Variants in PSMB9 observed in about 807,000 individuals in gnomAD.
The protein encoded by PSMB9 is proteasome subunit beta type-9.
PSMB9 carries 16 observed loss-of-function variants against 26.9 expected under a neutral mutation model. The ratio of observed to expected loss-of-function variants is 0.59; its 90% CI spans 0.40 to 0.90. The LOEUF (loss-of-function observed/expected upper bound fraction) is 0.90. Ranked by LOEUF, PSMB9 falls within the 40% of genes least tolerant of loss-of-function variation. The probability of loss-of-function intolerance (pLI) is 0.00; values close to 1 mark genes in which losing one functional copy is unlikely to be tolerated. For synonymous variants in PSMB9, 91 were observed against 112.0 expected (o/e 0.81, Z 1.18); for missense variants, 253 against 292.2 (o/e 0.87, Z 0.98).
At chr6:32,857,198 CAA>C (rs9282318) in intron 2 of PSMB9, 63 bp from the exon 3 acceptor site, 29,489 of 1,031,836 alleles carry the variant, frequency 0.029, 1 homozygote, top group East Asian at 0.047. Context: ...GAGACTGTCT[CAA>C]AAAAAAAAAA....
Position 32,858,619 on chromosome 6 carries a change from C to CT in PSMB9, c.532+115dup. 4.3e-6 allele frequency: 6 copies of CT among 1,399,800 alleles called. No individual in the cohort carries two copies. The highest frequency in any genetic ancestry group is 6.0e-6 in the Non-Finnish European group (6 of 1,007,490). The allele number at this position is 1,399,800 out of a possible 1,614,324, so 86.7% of individuals were successfully genotyped here. A position where few individuals can be genotyped will look rare whatever the true frequency, so the allele number is the denominator to read the frequency against. ...GTGGCCATTTAAGTTAATGCCGGGC[C>CT]TGGTACACTTTTAAGAGTGAAAAGG... On this transcript the variant is annotated intron_variant, in intron 5 of 5. Transcript: ENST00000374859. This position sits in a 1 kb window ranked among gnomAD's most constrained non-coding sequence, Gnocchi z 5.2.
At position 32,856,206 on chromosome 6, in the gene PSMB9, G is replaced by A. The variant is rs755682532; in HGVS notation, c.128+1G>A. 2.3e-5 allele frequency: 37 copies of A among 1,611,214 alleles called. No homozygotes were observed. Among genetic ancestry groups the A allele is most frequent in the Middle Eastern group, 1.6e-4 (1 of 6,062 alleles). ...GTTCTGATTCCCGAGTGTCTGCAGGGTGAGTAAAAGTGAAGATGTATGCAT... is the reference window on the plus strand; with the variant it reads ...GTTCTGATTCCCGAGTGTCTGCAGGATGAGTAAAAGTGAAGATGTATGCAT... On this transcript the variant is annotated splice_donor_variant, in intron 2 of 5. Transcript: ENST00000374859. LOFTEE classifies it high-confidence loss of function.
rs1442410980 is a variant in PSMB9, at chr6:32,858,878, C to T, written c.532+373C>T. The T allele has an allele frequency of 5.0e-5, 15 of 299,336 alleles. No individual in the cohort carries two copies. The Admixed American group carries it at 7.2e-4, about 14-fold the overall frequency. 18.5% of individuals were successfully genotyped at this position (299,336 alleles called of 1,614,324 possible). ...GGTGAAACCCTGTCTCCACAAAAAA[C>T]AATAAAAAAAAGTAAAAAAAAAAAT... On this transcript the variant is annotated intron_variant, in intron 5 of 5. Coordinates refer to ENST00000374859, the MANE Select transcript of PSMB9 (RefSeq NM_002800.5). The surrounding 1 kb of genome is among the most constrained non-coding windows in gnomAD (Gnocchi z 5.2).
chr6:32,856,624 A>G (rs986679075), intron 2 of PSMB9: 7 of 170,118 alleles, frequency 4.1e-5, no homozygotes, highest in African/African-American at 1.7e-4. Flanking sequence ...AAATGAGTAT[A>G]TGGGGTTAGG....
chr6:32,857,494 A>G (rs774479047), intron 3 of PSMB9, 100 bp downstream of exon 3: 45 of 1,377,710 alleles, frequency 3.3e-5, no homozygotes, highest in Non-Finnish European at 4.1e-5. Flanking sequence ...ACACTGGGAA[A>G]TGGAAAAGTC....
At chr6:32,857,207 A>AAC in intron 2 of PSMB9, 56 bp from the exon 3 acceptor site, 1 of 1,503,612 alleles carries the variant, frequency 6.7e-7, no homozygotes, top group Non-Finnish European at 8.9e-7. Context: ...TCAAAAAAAA[A>AAC]AAAAAAAAAA....
At position 32,858,668 on chromosome 6, in the gene PSMB9, T is replaced by C. The variant is rs1271714758; in HGVS notation, c.532+163T>C. The C allele has an allele frequency of 2.3e-6, 2 of 875,180 alleles. No homozygotes were observed. Among genetic ancestry groups the C allele is most frequent in the African/African-American group, 1.7e-5 (1 of 60,022 alleles). The allele number at this position is 875,180 out of a possible 1,614,324, so 54.2% of individuals were successfully genotyped here. A position where few individuals can be genotyped will look rare whatever the true frequency, so the allele number is the denominator to read the frequency against. On this transcript the variant is annotated intron_variant, in intron 5 of 5. Transcript: ENST00000374859. The surrounding 1 kb of genome is among the most constrained non-coding windows in gnomAD (Gnocchi z 5.2). ...GGGGCAGGACAAATGCAAAGCTCAA[T>C]GGGGTTCTTGGGCAATACGGATAAA...
rs1315927112 is a variant in PSMB9 at position 32,854,742 on chromosome 6, A to C, written c.60+453A>C. Among the ~76,000 whole-genome samples the C allele has an allele frequency of 6.6e-6, 1 of 152,236 alleles. No individual in the cohort carries two copies. Among genetic ancestry groups the C allele is most frequent in the Non-Finnish European group, 1.5e-5 (1 of 68,046 alleles). ...GACCAACTCATCACACAGACTTTTGATAAACTTGCCACTGGGCAACTCTTA... is the reference window on the plus strand; with the variant it reads ...GACCAACTCATCACACAGACTTTTGCTAAACTTGCCACTGGGCAACTCTTA... On this transcript the variant is annotated intron_variant, in intron 1 of 5. Transcript: ENST00000374859. This position sits in a 1 kb window ranked among gnomAD's most constrained non-coding sequence, Gnocchi z 4.6.
chr6:32,857,975 A>C (rs1268908564), intron 3 of PSMB9, 30 bp from the exon 4 acceptor site: 1 of 1,612,750 alleles, frequency 6.2e-7, no homozygotes, highest in East Asian at 2.2e-5. Flanking sequence ...TTAAAATTCT[A>C]TCAACCTTTA....
intron 1 of PSMB9, among the ~76,000 whole-genome samples, chr6:32,855,538 T>C (rs1269204638): frequency 7.9e-5 from 12 of 152,234 alleles, no homozygotes; most frequent in Non-Finnish European, 5.9e-5. Context: ...ACTGAAACTT[T>C]TATTTTCAAC....
rs56343900 is a variant in PSMB9 at position 32,858,637 on chromosome 6, T to C, written c.532+132T>C. ...GCCGGGCCTGGTACACTTTTAAGAG[T>C]GAAAAGGGGCAGGACAAATGCAAAG... On this transcript the variant is annotated intron_variant, in intron 5 of 5. Coordinates refer to ENST00000374859, the MANE Select transcript of PSMB9 (RefSeq NM_002800.5). This position sits in a 1 kb window ranked among gnomAD's most constrained non-coding sequence, Gnocchi z 5.2. The C allele has an allele frequency of 3.6e-4, 443 of 1,222,330 alleles. 6 individuals are homozygous for C. In the East Asian group the frequency reaches 9.8e-3, roughly 27 times the overall value. 75.7% of individuals were successfully genotyped at this position (1,222,330 alleles called of 1,614,324 possible).
At position 32,857,329 on chromosome 6, in the gene PSMB9, C is replaced by T; in HGVS notation, c.195C>T (p.Leu65=). The part of the protein sequence containing the change: ...SPLHERIYCA[L]SGSAADAQAV... ...TGCACGAGCGCATCTACTGTGCACT[C>T]TCTGGTTCAGCTGCTGATGCCCAAG... Residue 65 remains leucine, a synonymous_variant, in exon 3 of 6, where the codon CTC becomes CTT. Coordinates refer to ENST00000374859, the MANE Select transcript of PSMB9 (RefSeq NM_002800.5). The T allele has an allele frequency of 6.2e-7, 1 of 1,612,780 alleles. No individual in the cohort carries two copies. Among genetic ancestry groups the T allele is most frequent in the Non-Finnish European group, 8.5e-7 (1 of 1,179,964 alleles).
In PSMB9 at chr6:32,858,219, T is replaced by A; in HGVS notation, c.390+85T>A. On this transcript the variant is annotated intron_variant, in intron 4 of 5. Transcript: ENST00000374859. This position sits in a 1 kb window ranked among gnomAD's most constrained non-coding sequence, Gnocchi z 5.2. Reference sequence around the variant, plus strand: ...TGGAAGTCCTATGTCATTCTAGCAATGAGTTCCAAGGACACTACCTCTGAA... The same window carrying A: ...TGGAAGTCCTATGTCATTCTAGCAAAGAGTTCCAAGGACACTACCTCTGAA... 2 of 1,598,426 alleles carry A rather than the reference T, an allele frequency of 1.3e-6. No individual in the cohort carries two copies.
chr6:32,857,579 GAGACGGTTATTTTGAGAA>G (rs1771226640), intron 3 of PSMB9, 185 bp downstream of exon 3: 1 of 652,030 alleles, frequency 1.5e-6, no homozygotes, highest in African/African-American at 1.8e-5. Context: ...AGTACCTCAT[GAGACGGTTATTTTGAGAA>G]CCACATTCTA....
Position 32,854,257 on chromosome 6 carries a change from G to A in PSMB9, c.28G>A (p.Asp10Asn), listed in dbSNP as rs368807805. ...GCTGCGGGCGGGAGCACCAACCGGG[G>A]ACTTACCCCGGGCGGGAGAAGTCCA... MLRAGAPTG[D>N]LPRAGEVHTG... is the part of the protein sequence containing the mutation. Residue 10 changes from aspartate (D) to asparagine (N), a missense_variant, in exon 1 of 6, where the codon GAC becomes AAC. Physicochemically the swap from Asp to Asn is conservative, Grantham distance 23. Transcript: ENST00000374859. The surrounding 1 kb of genome is among the most constrained non-coding windows in gnomAD (Gnocchi z 4.6). 6.5e-7 allele frequency: 1 copy of A among 1,530,538 alleles called. No homozygotes were observed. The highest frequency in any genetic ancestry group is 8.8e-7 in the Non-Finnish European group (1 of 1,140,832). 94.8% of individuals were successfully genotyped at this position (1,530,538 alleles called of 1,614,324 possible). A position where few individuals can be genotyped will look rare whatever the true frequency, so the allele number is the denominator to read the frequency against.
intron 1 of PSMB9, 54 bp from the exon 2 acceptor site, chr6:32,856,084 T>G (rs1036834812): frequency 3.3e-6 from 5 of 1,497,670 alleles, no homozygotes; most frequent in Non-Finnish European, 4.6e-6. Context: ...TTCTCTAACA[T>G]GAGGGCATCA....
rs373560016 is a variant in PSMB9 at position 32,858,015 on chromosome 6, G to A, written c.271G>A (p.Glu91Lys). ...YQLELHGIELEEPPLVLAAAN... is the reference protein window; with the variant it reads ...YQLELHGIELKEPPLVLAAAN... ...TAATATTTCCCTCAGGATAGAACTG[G>A]AGGAACCTCCACTTGTTTTGGCTGC... Residue 91 changes from glutamate (E) to lysine (K), a missense_variant, in exon 4 of 6, where the codon GAG (glutamate) becomes AAG (lysine). Transcript: ENST00000374859. The surrounding 1 kb of genome is among the most constrained non-coding windows in gnomAD (Gnocchi z 5.2). The A allele has an allele frequency of 2.7e-5, 44 of 1,613,098 alleles. No homozygotes were observed. The highest frequency in any genetic ancestry group is 3.2e-5 in the Non-Finnish European group (38 of 1,180,028).
In PSMB9 at chr6:32,858,097, T is replaced by C. The variant is rs775015825; in HGVS notation, c.353T>C (p.Leu118Pro). The C allele has an allele frequency of 1.9e-6, 3 of 1,613,002 alleles. No homozygotes were observed. Among genetic ancestry groups the C allele is most frequent in the African/African-American group, 1.3e-5 (1 of 74,924 alleles). The change falls in exon 4 of 6, where the codon CTC (leucine) becomes CCC (proline). Residue 118 changes from leucine to proline, a missense_variant. Physicochemically the swap from Leu to Pro is moderately conservative, Grantham distance 98. Transcript: ENST00000374859. The surrounding 1 kb of genome is among the most constrained non-coding windows in gnomAD (Gnocchi z 5.2). The part of the protein sequence containing the change: ...YKYREDLSAH[L>P]MVAGWDQREG... Reference sequence around the variant, plus strand: ...TATCGAGAGGACTTGTCTGCACATCTCATGGTAGCTGGCTGGGACCAACGT... The same window carrying C: ...TATCGAGAGGACTTGTCTGCACATCCCATGGTAGCTGGCTGGGACCAACGT...
At chr6:32,856,545 GT>G (rs1771169708) in intron 2 of PSMB9, 1 of 249,834 alleles carries the variant, frequency 4.0e-6, no homozygotes, top group African/African-American at 2.2e-5. Context: ...CAGATACCTG[GT>G]TTCTCATTTA....
Sources: allele counts gnomAD v4.1 joint callset (sites outside exome capture counted in the v4.1 genomes callset), GRCh38; gene constraint gnomAD v4.1.1; non-coding constraint Gnocchi (gnomAD v3.1); transcripts MANE v1.5; gene names NCBI Gene and HGNC (gene_info 2026-07-23, HGNC 2026-07-21).